Variants in RCOR1 observed in about 807,000 individuals in gnomAD.
RCOR1 encodes REST corepressor 1, also known as REST corepressor.
A neutral mutation model predicts 64.0 loss-of-function variants in RCOR1; 12 were observed. That is an observed-to-expected ratio of 0.19 (90% CI 0.12 to 0.30). RCOR1 has a LOEUF of 0.30. RCOR1 is among the 10% of genes least tolerant of loss of function. The pLI is 1.00. For missense variants in RCOR1, 502 were observed against 621.2 expected (o/e 0.81, Z 2.04); for synonymous variants, 279 against 227.2 (o/e 1.23, Z -2.05).
At chr14:102,596,330 T>C (rs945726459) in intron 2 of RCOR1, among the ~76,000 whole-genome samples, 1 of 152,162 alleles carries the variant, frequency 6.6e-6, no homozygotes, top group Non-Finnish European at 1.5e-5. Context: ...CTGGAACTCC[T>C]GAACGCAGGT....
intron 2 of RCOR1, 134 bp downstream of exon 2, chr14:102,593,459 A>G: frequency 1.0e-6 from 1 of 974,862 alleles, no homozygotes; most frequent in South Asian, 2.0e-5. Flanking sequence ...GGAGAACAGC[A>G]GGGCGAGGAC....
intron 2 of RCOR1, among the ~76,000 whole-genome samples, chr14:102,614,467 G>T (rs997871000): frequency 2.7e-5 from 4 of 149,588 alleles, no homozygotes; most frequent in African/African-American, 7.4e-5. Flanking sequence ...CTCGTGATCC[G>T]CCCGCCTCGG....
intron 8 of RCOR1, among the ~76,000 whole-genome samples, chr14:102,719,255 T>C (rs1896128204): frequency 6.6e-6 from 1 of 152,144 alleles, no homozygotes. Flanking sequence ...CTTCTTCTTC[T>C]TTTTTTAAAA....
intron 2 of RCOR1, among the ~76,000 whole-genome samples, chr14:102,676,285 G>A (rs1343744982): frequency 4.8e-5 from 7 of 147,086 alleles, no homozygotes; most frequent in Non-Finnish European, 7.5e-5. Flanking sequence ...CAGTAGGGGC[G>A]GCCGGGCAGA....
chr14:102,645,021 T>C (rs1190335), intron 2 of RCOR1, among the ~76,000 whole-genome samples: 84,130 of 152,092 alleles, frequency 0.55, 25,435 homozygotes, highest in South Asian at 0.7. Context: ...CATTTTGTAC[T>C]GTTTTTGTCT....
chr14:102,602,278 G>T (rs1335719897), intron 2 of RCOR1, among the ~76,000 whole-genome samples: 1 of 152,022 alleles, frequency 6.6e-6, no homozygotes, highest in Non-Finnish European at 1.5e-5. Context: ...CCACTAGCAA[G>T]GTAAACAACT....
At chr14:102,707,094 C>T (rs1895873363) in intron 4 of RCOR1, among the ~76,000 whole-genome samples, 2 of 151,992 alleles carry the variant, frequency 1.3e-5, no homozygotes, top group South Asian at 4.2e-4. Flanking sequence ...TTGCTTCACT[C>T]TTTCTTGATA....
intron 2 of RCOR1, among the ~76,000 whole-genome samples, chr14:102,596,875 C>CTTT (rs61687380): frequency 8.7e-6 from 1 of 115,400 alleles, no homozygotes; most frequent in Non-Finnish European, 1.8e-5. Context: ...CTCCCCCCGC[C>CTTT]TTTTTTTTTT....
chr14:102,729,993 C>A lies in RCOR1; in HGVS notation c.*3487C>A, dbSNP rs1896339550. On this transcript the variant is annotated 3_prime_UTR_variant, in exon 12 of 12. Transcript: ENST00000262241. ...CTAGTGGTCCTGTGCGATGCTCTTT[C>A]TGCCAGTCCCTGAATCTCTGCAGCT... The A allele has an allele frequency of 5.0e-6, 2 of 398,958 alleles. No individual in the cohort carries two copies. The highest frequency in any genetic ancestry group is 8.8e-6 in the Non-Finnish European group (2 of 226,078). 24.7% of individuals were successfully genotyped at this position (398,958 alleles called of 1,614,324 possible). A position where few individuals can be genotyped will look rare whatever the true frequency, so the allele number is the denominator to read the frequency against.
intron 3 of RCOR1, chr14:102,695,274 T>C (rs1024313521): frequency 1.3e-5 from 2 of 152,246 alleles, no homozygotes; most frequent in Non-Finnish European, 2.9e-5. Context: ...ATTAACTTCA[T>C]TCAAGCTAGA....
Position 102,592,885 on chromosome 14 carries a change from C to T in RCOR1, c.-2C>T, listed in dbSNP as rs1198858188. The T allele has an allele frequency of 1.6e-6, 2 of 1,224,276 alleles. No homozygotes were observed. The allele number at this position is 1,224,276 out of a possible 1,614,324, so 75.8% of individuals were successfully genotyped here. A position where few individuals can be genotyped will look rare whatever the true frequency, so the allele number is the denominator to read the frequency against. ...ACTTTCGCACGGCCCCGGCCCCCGCCGATGCCGGCCATGGTGGAGAAGGGC... is the reference window on the plus strand; with the variant it reads ...ACTTTCGCACGGCCCCGGCCCCCGCTGATGCCGGCCATGGTGGAGAAGGGC... On this transcript the variant is annotated 5_prime_UTR_variant, in exon 1 of 12. Transcript: ENST00000262241.
rs1272991116 is a variant in RCOR1 at position 102,722,052 on chromosome 14, A to ATT, written c.1190-135_1190-134insTT. 19 of 671,614 alleles carry ATT rather than the reference A, an allele frequency of 2.8e-5. No homozygotes were observed. The East Asian group carries it at 3.3e-4, about 12-fold the overall frequency. The allele number at this position is 671,614 out of a possible 1,614,324, so 41.6% of individuals were successfully genotyped here. On this transcript the variant is annotated intron_variant, in intron 10 of 11. Transcript: ENST00000262241. ...ATTGGCTGGTACTTTTTCCTACTCT[A>ATT]ATAATACACGAAATTATTGCCTGCT...
Position 102,593,335 on chromosome 14 carries a change from G to T in RCOR1, c.361+10G>T, listed in dbSNP as rs1893173748. On this transcript the variant is annotated intron_variant, in intron 2 of 11. Coordinates refer to ENST00000262241, the MANE Select transcript of RCOR1 (RefSeq NM_015156.4). ...CCCGACTTCGACCCCGGTGAGTAGC[G>T]GCCCCGGCCGGCCGGCGGCGGGGAT... 1.3e-6 allele frequency: 2 copies of T among 1,529,922 alleles called. No individual in the cohort carries two copies. The highest frequency in any genetic ancestry group is 2.7e-5 in the East Asian group (1 of 37,360). 94.8% of individuals were successfully genotyped at this position (1,529,922 alleles called of 1,614,324 possible).
chr14:102,620,236 T>G (rs771480858), intron 2 of RCOR1, among the ~76,000 whole-genome samples: 36 of 115,460 alleles, frequency 3.1e-4, no homozygotes, highest in Non-Finnish European at 6.0e-4. Context: ...CACACACTTA[T>G]ACACACACAC....
At chr14:102,605,960 C>T (rs766876910) in intron 2 of RCOR1, among the ~76,000 whole-genome samples, 1 of 152,110 alleles carries the variant, frequency 6.6e-6, no homozygotes, top group Non-Finnish European at 1.5e-5. Flanking sequence ...GAGTCTCGCT[C>T]TGTTGCACAG....
In RCOR1 at chr14:102,632,302, C is replaced by T. The variant is rs547377856; in HGVS notation, c.361+38977C>T. Among the ~76,000 whole-genome samples the T allele has an allele frequency of 9.3e-5, 14 of 150,126 alleles. No individual in the cohort carries two copies. The East Asian group carries it at 1.2e-3, about 13-fold the overall frequency. ...CATGATCTCGGCTCACTGCAAGTTG[C>T]GCATCCTGGGTTCACGCCATTCTCC... On this transcript the variant is annotated intron_variant, in intron 2 of 11. Coordinates refer to ENST00000262241, the MANE Select transcript of RCOR1 (RefSeq NM_015156.4).
intron 2 of RCOR1, among the ~76,000 whole-genome samples, chr14:102,615,402 G>A (rs908016093): frequency 2.3e-4 from 35 of 150,946 alleles, no homozygotes; most frequent in African/African-American, 7.3e-4. Flanking sequence ...GTGGCCTCCT[G>A]CAGTGCTGGG....
chr14:102,712,713 T>A (rs1895985957), intron 7 of RCOR1, among the ~76,000 whole-genome samples: 1 of 151,766 alleles, frequency 6.6e-6, no homozygotes, highest in Non-Finnish European at 1.5e-5. Flanking sequence ...ATTGGTCGTT[T>A]TTTTCTGCAT....
chr14:102,691,261 T>C (rs1026069384), intron 3 of RCOR1, among the ~76,000 whole-genome samples: 1 of 149,808 alleles, frequency 6.7e-6, no homozygotes, highest in Non-Finnish European at 1.5e-5. Flanking sequence ...AAACATTGGG[T>C]GCACATGGCC....
Sources: gnomAD v4.1 joint callset for allele counts (sites outside exome capture counted in the v4.1 genomes callset) on GRCh38, gnomAD v4.1.1 for gene constraint, MANE v1.5 for transcripts, NCBI Gene and HGNC (gene_info 2026-07-23, HGNC 2026-07-21) for gene names.